SNX24: variants seen among roughly 807,000 people sequenced by gnomAD.
The protein encoded by SNX24 is sorting nexin 24, also known as sorting nexin-24.
In SNX24, 22 loss-of-function variants were observed where a neutral mutation model predicts 28.7. That is an observed-to-expected ratio of 0.77 (90% CI 0.55 to 1.10). The LOEUF (loss-of-function observed/expected upper bound fraction) is 1.10. Among genes scored for constraint, SNX24 ranks in the 50% least tolerant of loss-of-function variants. The pLI is 0.00. For synonymous variants in SNX24, 69 were observed against 71.5 expected, an observed-to-expected ratio of 0.96 and a Z score of 0.18; for missense variants, 221 against 201.1, an observed-to-expected ratio of 1.10 and a Z score of -0.60.
intron 1 of SNX24, among the ~76,000 whole-genome samples, chr5:122,901,179 T>C (rs947399387): frequency 5.4e-5 from 8 of 146,852 alleles, no homozygotes; most frequent in Admixed American, 1.4e-4. Context: ...CCAGCCTGGG[T>C]GACAAGAGCA....
At chr5:122,861,166 C>G (rs1348199865) in intron 1 of SNX24, among the ~76,000 whole-genome samples, 4 of 151,862 alleles carry the variant, frequency 2.6e-5, no homozygotes, top group African/African-American at 7.3e-5. Flanking sequence ...GTGGTGAAAC[C>G]CTGTCTCTAC....
At chr5:122,968,233 G>C (rs1485070786) in intron 3 of SNX24, among the ~76,000 whole-genome samples, 1 of 152,134 alleles carries the variant, frequency 6.6e-6, no homozygotes, top group African/African-American at 2.4e-5. Flanking sequence ...TATAATCCCA[G>C]CTATTCAGGA....
chr5:122,907,679 T>C (rs1238141585), intron 1 of SNX24, among the ~76,000 whole-genome samples: 1 of 152,196 alleles, frequency 6.6e-6, no homozygotes, highest in Admixed American at 6.5e-5. Flanking sequence ...GGGAACAATT[T>C]GTATGCAGAG....
intron 1 of SNX24, among the ~76,000 whole-genome samples, chr5:122,845,908 C>T (rs898405824): frequency 6.6e-6 from 1 of 152,028 alleles, no homozygotes; most frequent in Non-Finnish European, 1.5e-5. Context: ...CCTAGCCCCT[C>T]GGGGTCCAAC....
At chr5:122,960,270 T>G (rs1321152355) in intron 3 of SNX24, among the ~76,000 whole-genome samples, 1 of 152,172 alleles carries the variant, frequency 6.6e-6, no homozygotes, top group East Asian at 1.9e-4. Context: ...GGGAGTGTCT[T>G]TTATCACCAT....
At chr5:122,852,044 T>C (rs1453273268) in intron 1 of SNX24, among the ~76,000 whole-genome samples, 1 of 151,616 alleles carries the variant, frequency 6.6e-6, no homozygotes, top group African/African-American at 2.4e-5. Context: ...TTTGTGTGCA[T>C]TTTATTGGTA....
Position 122,856,800 on chromosome 5 carries a change from G to A in SNX24, c.60+11107G>A, listed in dbSNP as rs565288816. 2.6e-5 allele frequency among the ~76,000 whole-genome samples: 4 copies of A among 152,150 alleles called. No homozygotes were observed. The East Asian group carries it at 7.7e-4, about 29-fold the overall frequency. On this transcript the variant is annotated intron_variant, in intron 1 of 6. Coordinates refer to ENST00000261369, the MANE Select transcript of SNX24 (RefSeq NM_014035.4). ...CAAAGTGCTGGGAATACAGGCATGA[G>A]CTACTGCACCTGGTCTGTTACTTAA...
intron 1 of SNX24, among the ~76,000 whole-genome samples, chr5:122,902,238 T>C (rs1757475777): frequency 6.6e-6 from 1 of 152,224 alleles, no homozygotes; most frequent in Non-Finnish European, 1.5e-5. Context: ...AATATTTCTA[T>C]TGCCTCTTGG....
At chr5:123,017,991 A>G (rs1762710018) in intron 5 of SNX24, among the ~76,000 whole-genome samples, 4 of 152,070 alleles carry the variant, frequency 2.6e-5, no homozygotes, top group South Asian at 4.1e-4. Context: ...GTCTGGGGGT[A>G]GATTATGAAT....
chr5:122,898,029 T>C (rs1757276637), intron 1 of SNX24, among the ~76,000 whole-genome samples: 1 of 152,232 alleles, frequency 6.6e-6, no homozygotes, highest in Admixed American at 6.5e-5. Flanking sequence ...CAATACAAAT[T>C]TAGGTTGTAC....
intron 5 of SNX24, 22 bp from the exon 6 acceptor site, chr5:123,001,918 T>C (rs1280188558): frequency 6.2e-7 from 1 of 1,610,222 alleles, no homozygotes; most frequent in Non-Finnish European, 8.5e-7. Flanking sequence ...GATGCTGACA[T>C]GCCTGTTCTT....
intron 1 of SNX24, among the ~76,000 whole-genome samples, chr5:122,900,879 A>G (rs1396767357): frequency 3.3e-5 from 5 of 152,216 alleles, no homozygotes; most frequent in South Asian, 2.1e-4. Context: ...TTCCTTTTTC[A>G]GAGGGAAAAA....
At chr5:122,966,256 T>G (rs1486987176) in intron 3 of SNX24, among the ~76,000 whole-genome samples, 1 of 152,236 alleles carries the variant, frequency 6.6e-6, no homozygotes, top group African/African-American at 2.4e-5. Flanking sequence ...TAGGCAGAAG[T>G]TAGCAAACTT....
At chr5:122,872,835 G>C (rs1756043224) in intron 1 of SNX24, among the ~76,000 whole-genome samples, 1 of 151,538 alleles carries the variant, frequency 6.6e-6, no homozygotes, top group Non-Finnish European at 1.5e-5. Context: ...AATGGGGCCA[G>C]TTCCCACCGA....
At chr5:122,975,236 C>T (rs1761119081) in intron 3 of SNX24, among the ~76,000 whole-genome samples, 1 of 152,180 alleles carries the variant, frequency 6.6e-6, no homozygotes, top group Non-Finnish European at 1.5e-5. Flanking sequence ...ATCTGGGCTC[C>T]CCACAGTGTC....
chr5:122,990,294 A>G (rs1052045471), intron 3 of SNX24, among the ~76,000 whole-genome samples: 3 of 152,204 alleles, frequency 2.0e-5, no homozygotes, highest in Admixed American at 2.0e-4. Flanking sequence ...TAGCATTTAA[A>G]CAGGTGACTA....
At chr5:122,864,877 G>T (rs937120259) in intron 1 of SNX24, among the ~76,000 whole-genome samples, 1 of 152,258 alleles carries the variant, frequency 6.6e-6, no homozygotes, top group Admixed American at 6.5e-5. Flanking sequence ...CCCCAGGCAA[G>T]AAGGAGGTTT....
At chr5:122,944,249 G>A (rs1561635484) in intron 2 of SNX24, among the ~76,000 whole-genome samples, 2 of 152,044 alleles carry the variant, frequency 1.3e-5, no homozygotes, top group South Asian at 4.2e-4. Context: ...TATTCTTCCA[G>A]GCATGGCTTC....
chr5:122,863,347 T>C (rs1755566553), intron 1 of SNX24, among the ~76,000 whole-genome samples: 2 of 151,724 alleles, frequency 1.3e-5, no homozygotes, highest in South Asian at 4.2e-4. Flanking sequence ...GAAGTGTGCA[T>C]AGTGTGTTTT....
Sources: allele counts gnomAD v4.1 joint callset (sites outside exome capture counted in the v4.1 genomes callset), GRCh38; gene constraint gnomAD v4.1.1; transcripts MANE v1.5; gene names NCBI Gene and HGNC (gene_info 2026-07-23, HGNC 2026-07-21).